Variants in LAMA5 observed in about 807,000 individuals in gnomAD.
LAMA5 encodes the protein laminin subunit alpha 5.
LAMA5 carries 260 observed loss-of-function variants against 433.4 expected under a neutral mutation model. The ratio of observed to expected loss-of-function variants is 0.60; its 90% CI spans 0.54 to 0.66. LAMA5 has a LOEUF of 0.66. Ranked by LOEUF, LAMA5 falls within the 30% of genes least tolerant of loss-of-function variation. The pLI, the probability that LAMA5 is intolerant of heterozygous loss-of-function variation, is 0.00. For synonymous variants in LAMA5, 2,620 were observed against 2,226.6 expected, an observed-to-expected ratio of 1.18 and a Z score of -4.97; for missense variants, 5,378 against 5,258.5, an observed-to-expected ratio of 1.02 and a Z score of -0.70.
At chr20:62,340,110 C>A (rs1982346881) in intron 11 of LAMA5, among the ~76,000 whole-genome samples, 1 of 152,002 alleles carries the variant, frequency 6.6e-6, no homozygotes, top group Non-Finnish European at 1.5e-5. Context: ...AGAAACGAAT[C>A]TCTAGGAGCA....
Position 62,344,290 on chromosome 20 carries a change from C to T in LAMA5, c.1477+1528G>A, listed in dbSNP as rs116844789. On this transcript the variant is annotated intron_variant, in intron 11 of 79. Transcript: ENST00000252999. ...CTGTGATATGCCATCAAGCAAAAGA[C>T]GCATCCCAATTCCAGAAACACTAAA... 3.4e-4 allele frequency among the ~76,000 whole-genome samples: 51 copies of T among 151,544 alleles called. No homozygotes were observed. In the East Asian group the frequency reaches 8.2e-3, roughly 24 times the overall value.
In LAMA5 at chr20:62,326,662, G is replaced by A. The variant is rs973153465; in HGVS notation, c.5298+15C>T. 3 of 1,607,258 alleles carry A rather than the reference G, an allele frequency of 1.9e-6. No individual in the cohort carries two copies. Among genetic ancestry groups the A allele is most frequent in the Non-Finnish European group, 2.6e-6 (3 of 1,176,024 alleles). On this transcript the variant is annotated intron_variant, in intron 40 of 79. Transcript: ENST00000252999. ...GTCCATGAGGGACCTGGGTGCCCAA[G>A]CCAGCTCCCCTCACCTCCACCAGCT...
In LAMA5 at chr20:62,353,127, G is replaced by A. The variant is rs778614678; in HGVS notation, c.568+7C>T. 6.8e-5 allele frequency: 106 copies of A among 1,563,168 alleles called. No individual in the cohort carries two copies. The highest frequency in any genetic ancestry group is 8.8e-5 in the Non-Finnish European group (101 of 1,152,062). ...TCCCCCCAGGCCCCACGGCGGCAGA[G>A]ACTCACAGGCAAAGAACTGCCAGGG... On this transcript the variant is annotated splice_region_variant and intron_variant, in intron 3 of 79. Coordinates refer to ENST00000252999, the MANE Select transcript of LAMA5 (RefSeq NM_005560.6).
Position 62,330,591 on chromosome 20 carries a change from A to G in LAMA5, c.3876T>C (p.His1292=), listed in dbSNP as rs1184546114. The change falls in exon 31 of 80, where the codon CAT becomes CAC. Residue 1292 remains histidine (H), a synonymous_variant. Transcript: ENST00000252999. ...EPQATVVFTT[H]VPTLGRYAFL... ...AGGCATAGCGGCCCAGCGTGGGCAC[A>G]TGGGTGGTGAAGACCACGGTGGCCT... 10 of 1,593,394 alleles carry G rather than the reference A, an allele frequency of 6.3e-6. No homozygotes were observed. The highest frequency in any genetic ancestry group is 3.6e-5 in the Admixed American group (2 of 56,216).
Position 62,336,882 on chromosome 20 carries a change from A to G in LAMA5, c.2165-96T>C, listed in dbSNP as rs1274733240. 8.8e-6 allele frequency: 11 copies of G among 1,246,524 alleles called. No homozygotes were observed. In the South Asian group the frequency reaches 1.4e-4, roughly 16 times the overall value. 77.2% of individuals were successfully genotyped at this position (1,246,524 alleles called of 1,614,324 possible). ...CAGCCAGAACCCACGGTCCCACAGG[A>G]GCTGAGGACCAGCACAGGTGCCTCT... On this transcript the variant is annotated intron_variant, in intron 16 of 79. Coordinates refer to ENST00000252999, the MANE Select transcript of LAMA5 (RefSeq NM_005560.6).
chr20:62,343,289 C>G (rs1982870695), intron 11 of LAMA5, among the ~76,000 whole-genome samples: 1 of 152,130 alleles, frequency 6.6e-6, no homozygotes. Context: ...CATAAAAAAA[C>G]CATCACAGAA....
chr20:62,361,616 C>T (rs1266458780), intron 2 of LAMA5, among the ~76,000 whole-genome samples: 1 of 152,234 alleles, frequency 6.6e-6, no homozygotes, highest in African/African-American at 2.4e-5. Flanking sequence ...GGATGCAGGC[C>T]TCTGGGTCAG....
intron 44 of LAMA5, 21 bp from the exon 45 acceptor site, chr20:62,323,691 G>A (rs780053136): frequency 5.6e-6 from 9 of 1,595,890 alleles, no homozygotes; most frequent in Admixed American, 5.1e-5. Context: ...GGTGGGGAGG[G>A]GCCGTCAGTG....
intron 32 of LAMA5, 62 bp downstream of exon 32, chr20:62,329,715 A>AG: frequency 1.3e-6 from 2 of 1,588,634 alleles, no homozygotes; most frequent in South Asian, 2.3e-5. Context: ...CAAGTGTACC[A>AG]CAGTGGTAAT....
rs376469285 is a variant in LAMA5 at position 62,321,884 on chromosome 20, G to T, written c.6496+135C>A. 4.4e-5 allele frequency: 38 copies of T among 856,078 alleles called. No homozygotes were observed. The East Asian group carries it at 8.7e-4, about 20-fold the overall frequency. 53.0% of individuals were successfully genotyped at this position (856,078 alleles called of 1,614,324 possible). On this transcript the variant is annotated intron_variant, in intron 48 of 79. Transcript: ENST00000252999. ...CCTCAGCGTGGTTGGAGTTGGACAG[G>T]CATGGGTCTCTCGGGAAATGGAAGG... is the stretch of plus-strand genomic sequence containing the variant.
Position 62,310,833 on chromosome 20 carries a change from G to A in LAMA5, c.10282-4C>T, listed in dbSNP as rs200479494. The A allele has an allele frequency of 1.2e-4, 192 of 1,571,668 alleles. No homozygotes were observed. The African/African-American group carries it at 2.4e-3, about 20-fold the overall frequency. Reference sequence around the variant, plus strand: ...TCTTCTCCCAGCGCACGGAGACCTGGGGGCAGGAGATGGGTCAGGGTAGGG... The same window carrying A: ...TCTTCTCCCAGCGCACGGAGACCTGAGGGCAGGAGATGGGTCAGGGTAGGG... On this transcript the variant is annotated splice_region_variant and splice_polypyrimidine_tract_variant and intron_variant, in intron 74 of 79. Transcript: ENST00000252999.
rs574076759 is a variant in LAMA5, at chr20:62,353,903, G to C, written c.451-652C>G. Among the ~76,000 whole-genome samples the C allele has an allele frequency of 2.6e-5, 4 of 152,274 alleles. No homozygotes were observed. In the East Asian group the frequency reaches 7.7e-4, roughly 29 times the overall value. ...GGAGCAAGCGGGGCTCAGCCTTGCA[G>C]GCTGGGGGCCCTCTTGAAGCTGAGT... On this transcript the variant is annotated intron_variant, in intron 2 of 79. Transcript: ENST00000252999.
At chr20:62,312,081 C>T (rs113048093) in intron 69 of LAMA5, 31 bp from the exon 70 acceptor site, 3 of 1,609,696 alleles carry the variant, frequency 1.9e-6, no homozygotes, top group Non-Finnish European at 2.5e-6. Flanking sequence ...AGCCGGCCGG[C>T]CTGGGGACCC....
intron 2 of LAMA5, among the ~76,000 whole-genome samples, chr20:62,361,969 A>G (rs1171112187): frequency 3.9e-5 from 6 of 152,146 alleles, no homozygotes; most frequent in African/African-American, 1.4e-4. Flanking sequence ...CGGCACAGGT[A>G]TCCCAGGAAT....
chr20:62,313,627 GC>G (rs1308988321), intron 63 of LAMA5, 21 bp downstream of exon 63: 2 of 1,611,322 alleles, frequency 1.2e-6, no homozygotes, highest in African/African-American at 2.7e-5. Context: ...CTCCCAGGCT[GC>G]CCCAGGCCGG....
At chr20:62,357,307 C>T (rs540506999) in intron 2 of LAMA5, among the ~76,000 whole-genome samples, 49 of 152,306 alleles carry the variant, frequency 3.2e-4, no homozygotes, top group African/African-American at 8.7e-4. Context: ...TGCCAATTCC[C>T]GGGGCAGGAA....
intron 44 of LAMA5, 43 bp from the exon 45 acceptor site, chr20:62,323,713 C>A (rs1174338764): frequency 6.3e-7 from 1 of 1,593,762 alleles, no homozygotes; most frequent in South Asian, 1.1e-5. Context: ...CCCGTGGCGC[C>A]CACCCTCGCA....
chr20:62,325,439 G>A lies in LAMA5; in HGVS notation c.5406C>T (p.Ile1802=), dbSNP rs1297850739. The A allele has an allele frequency of 2.5e-6, 4 of 1,612,386 alleles. No homozygotes were observed. The highest frequency in any genetic ancestry group is 1.1e-5 in the South Asian group (1 of 91,072). ...CCCTGCGCAGGAAGACAGCCGAGGA[G>A]ATCTGTGAGAAGAGGGCACGGATCT... ...QLQIRALFSQ[I]SSAVFLRRVA... The change falls in exon 41 of 80, where the codon ATC becomes ATT. Residue 1802 remains isoleucine, a synonymous_variant. Coordinates refer to ENST00000252999, the MANE Select transcript of LAMA5 (RefSeq NM_005560.6).
chr20:62,367,220 C>G lies in LAMA5; in HGVS notation c.26G>C (p.Ser9Thr), dbSNP rs1378191619. 1.7e-6 allele frequency: 2 copies of G among 1,206,436 alleles called. No homozygotes were observed. Among genetic ancestry groups the G allele is most frequent in the East Asian group, 3.8e-5 (1 of 26,366 alleles). The allele number at this position is 1,206,436 out of a possible 1,614,324, so 74.7% of individuals were successfully genotyped here. A position where few individuals can be genotyped will look rare whatever the true frequency, so the allele number is the denominator to read the frequency against. The stretch of plus-strand genomic sequence containing the variant: ...CCGGGGGCCGCGAACACACAGTGCG[C>G]TCCCCGCGCAGAGCCGCTTCGCCAT... MAKRLCAGSALCVRGPRGP... is the reference protein window; with the variant it reads MAKRLCAGTALCVRGPRGP... Residue 9 changes from serine to threonine, a missense_variant, in exon 1 of 80, where the codon AGC (serine) becomes ACC (threonine). Physicochemically the swap from Ser to Thr is moderately conservative, Grantham distance 58. Coordinates refer to ENST00000252999, the MANE Select transcript of LAMA5 (RefSeq NM_005560.6).
Sources: allele counts gnomAD v4.1 joint callset (sites outside exome capture counted in the v4.1 genomes callset), GRCh38; gene constraint gnomAD v4.1.1; transcripts MANE v1.5; gene names NCBI Gene and HGNC (gene_info 2026-07-23, HGNC 2026-07-21).